Variants in MAPKAPK2 observed in about 807,000 individuals in gnomAD.
MAPKAPK2 encodes the protein MAPK activated protein kinase 2.
In MAPKAPK2, 9 loss-of-function variants were observed where a neutral mutation model predicts 48.8. The ratio of observed to expected loss-of-function variants is 0.18; its 90% CI spans 0.11 to 0.32. The LOEUF (loss-of-function observed/expected upper bound fraction) is 0.32. MAPKAPK2 is among the 10% of genes least tolerant of loss of function. The pLI, the probability that MAPKAPK2 is intolerant of heterozygous loss-of-function variation, is 1.00. For synonymous variants in MAPKAPK2, 202 were observed against 190.6 expected, an observed-to-expected ratio of 1.06 and a Z score of -0.49; for missense variants, 331 against 498.3, an observed-to-expected ratio of 0.66 and a Z score of 3.20.
intron 1 of MAPKAPK2, among the ~76,000 whole-genome samples, chr1:206,699,001 C>G (rs868951719): frequency 1.3e-5 from 2 of 152,148 alleles, no homozygotes; most frequent in South Asian, 4.1e-4. Context: ...GATGACCTAG[C>G]AATTTTAAGT....
intron 1 of MAPKAPK2, chr1:206,696,324 T>C: frequency 1.2e-6 from 1 of 803,580 alleles, no homozygotes; most frequent in South Asian, 1.4e-5. Context: ...TCTTTAGATA[T>C]CGGATTGGAC....
Position 206,731,531 on chromosome 1 carries a change from C to T in MAPKAPK2, c.893-109C>T, listed in dbSNP as rs1347835741. 8.9e-7 allele frequency: 1 copy of T among 1,128,504 alleles called. No homozygotes were observed. The highest frequency in any genetic ancestry group is 1.5e-5 in the African/African-American group (1 of 65,424). 69.9% of individuals were successfully genotyped at this position (1,128,504 alleles called of 1,614,324 possible). ...TGGGGCCAGTTGCTCCGGCAGCCTG[C>T]CTCCATGCACCCCCTCTTTGAACCT... On this transcript the variant is annotated intron_variant, in intron 7 of 9. Coordinates refer to ENST00000367103, the MANE Select transcript of MAPKAPK2 (RefSeq NM_032960.4). The surrounding 1 kb of genome is among the most constrained non-coding windows in gnomAD (Gnocchi z 5.9).
rs782498421 is a variant in MAPKAPK2, at chr1:206,732,526, C to G, written c.1060-49C>G. On this transcript the variant is annotated intron_variant, in intron 9 of 9. Transcript: ENST00000367103. This position sits in a 1 kb window ranked among gnomAD's most constrained non-coding sequence, Gnocchi z 4.4. Reference sequence around the variant, plus strand: ...GTCTCTCTTCTGCTGTCTCTCCTACCTGTCTTCTGGCTCTCTCTGTACCCT... The same window carrying G: ...GTCTCTCTTCTGCTGTCTCTCCTACGTGTCTTCTGGCTCTCTCTGTACCCT... 10 of 1,603,772 alleles carry G rather than the reference C, an allele frequency of 6.2e-6. No homozygotes were observed. In the Admixed American group the frequency reaches 1.7e-4, roughly 27 times the overall value.
chr1:206,708,788 C>T (rs1050687316), intron 1 of MAPKAPK2, among the ~76,000 whole-genome samples: 24 of 152,166 alleles, frequency 1.6e-4, no homozygotes, highest in Admixed American at 1.6e-3. Flanking sequence ...AACACATACC[C>T]CCTCGCAAGT....
intron 1 of MAPKAPK2, among the ~76,000 whole-genome samples, chr1:206,709,209 T>A (rs1383112538): frequency 1.3e-5 from 2 of 152,228 alleles, no homozygotes; most frequent in African/African-American, 4.8e-5. Flanking sequence ...ATTTTAGGAC[T>A]GTTATCACAT....
At chr1:206,723,063 G>A (rs1248789825) in intron 1 of MAPKAPK2, among the ~76,000 whole-genome samples, 2 of 152,196 alleles carry the variant, frequency 1.3e-5, no homozygotes, top group South Asian at 2.1e-4. Flanking sequence ...CTTTTGCATC[G>A]CTCTTGGCGC....
At position 206,731,740 on chromosome 1, in the gene MAPKAPK2, C is replaced by A; in HGVS notation, c.978+15C>A. The A allele has an allele frequency of 6.2e-7, 1 of 1,613,564 alleles. No individual in the cohort carries two copies. The highest frequency in any genetic ancestry group is 8.5e-7 in the Non-Finnish European group (1 of 1,179,518). ...CTTGGATCATGGTAAGCTCGGCAGG[C>A]TGGGGAGCCTTGGGTCTCACGGGAC... On this transcript the variant is annotated intron_variant, in intron 8 of 9. Coordinates refer to ENST00000367103, the MANE Select transcript of MAPKAPK2 (RefSeq NM_032960.4). This position sits in a 1 kb window ranked among gnomAD's most constrained non-coding sequence, Gnocchi z 5.9.
intron 1 of MAPKAPK2, among the ~76,000 whole-genome samples, chr1:206,697,320 G>A (rs965649826): frequency 6.6e-6 from 1 of 152,210 alleles, no homozygotes; most frequent in Non-Finnish European, 1.5e-5. Context: ...AGGGACGAGT[G>A]TTAAACACTG....
chr1:206,710,266 C>G (rs745311637), intron 1 of MAPKAPK2, among the ~76,000 whole-genome samples: 5 of 152,350 alleles, frequency 3.3e-5, no homozygotes, highest in South Asian at 4.1e-4. Context: ...ATGTACATAA[C>G]AGATGCTCTT....
intron 1 of MAPKAPK2, among the ~76,000 whole-genome samples, chr1:206,691,688 G>T (rs1301025911): frequency 6.6e-5 from 10 of 151,940 alleles, no homozygotes; most frequent in Non-Finnish European, 1.3e-4. Flanking sequence ...CAGAGGGTCG[G>T]CTCGAGCAGC....
chr1:206,732,013 C>T lies in MAPKAPK2; in HGVS notation c.1059+94C>T. ...GAGGCGTGGTGCTGGTAGGGGAGAG[C>T]TTGATTCTGCCTCTCTCATCCCAGG... On this transcript the variant is annotated intron_variant, in intron 9 of 9. Coordinates refer to ENST00000367103, the MANE Select transcript of MAPKAPK2 (RefSeq NM_032960.4). The surrounding 1 kb of genome is among the most constrained non-coding windows in gnomAD (Gnocchi z 4.4). 3.1e-6 allele frequency: 5 copies of T among 1,614,066 alleles called. No individual in the cohort carries two copies. The highest frequency in any genetic ancestry group is 3.4e-6 in the Non-Finnish European group (4 of 1,179,996).
intron 5 of MAPKAPK2, 53 bp downstream of exon 5, chr1:206,730,151 C>A: frequency 6.2e-7 from 1 of 1,608,962 alleles, no homozygotes; most frequent in Non-Finnish European, 8.5e-7. Flanking sequence ...CTTTTCTCAG[C>A]CCCTCCTCTT....
intron 1 of MAPKAPK2, among the ~76,000 whole-genome samples, chr1:206,712,751 A>C (rs1409516031): frequency 3.3e-5 from 5 of 152,014 alleles, no homozygotes; most frequent in Non-Finnish European, 7.4e-5. Context: ...GAATGACTTG[A>C]GGTCAGGAGT....
At chr1:206,691,389 C>T (rs570464363) in intron 1 of MAPKAPK2, among the ~76,000 whole-genome samples, 13 of 150,814 alleles carry the variant, frequency 8.6e-5, no homozygotes, top group African/African-American at 3.2e-4. Context: ...TGTCACTGGA[C>T]AGTGTAATAA....
intron 1 of MAPKAPK2, among the ~76,000 whole-genome samples, chr1:206,688,424 T>G (rs1553425853): frequency 1.3e-5 from 2 of 152,224 alleles, no homozygotes; most frequent in Non-Finnish European, 1.5e-5. Context: ...TGAGGAGCTG[T>G]TCTGTCACCT....
In MAPKAPK2 at chr1:206,712,962, TCACACA is replaced by T. The variant is rs58379967; in HGVS notation, c.280-15710_280-15705del. ...GCCTGGGCGACAGAATGAGACTCCA[TCACACA>T]CACACACACACACACACACACACAC... On this transcript the variant is annotated intron_variant, in intron 1 of 9. Transcript: ENST00000367103. 2.1e-3 allele frequency among the ~76,000 whole-genome samples: 234 copies of T among 112,298 alleles called. 1 individual carries two copies. The highest frequency in any genetic ancestry group is 4.2e-3 in the African/African-American group (118 of 28,008). 73.7% of individuals were successfully genotyped at this position (112,298 alleles called of 152,430 possible). A position where few individuals can be genotyped will look rare whatever the true frequency, so the allele number is the denominator to read the frequency against.
intron 1 of MAPKAPK2, among the ~76,000 whole-genome samples, chr1:206,719,267 C>CT (rs2102405189): frequency 6.6e-6 from 1 of 152,318 alleles, no homozygotes; most frequent in Non-Finnish European, 1.5e-5. Context: ...GCTTTTGTGA[C>CT]TGCCTGTGAC....
intron 1 of MAPKAPK2, among the ~76,000 whole-genome samples, chr1:206,727,824 C>T (rs928212679): frequency 1.3e-5 from 2 of 152,088 alleles, no homozygotes; most frequent in Non-Finnish European, 2.9e-5. Flanking sequence ...GGGGTTTCAC[C>T]GTGTTAGCCA....
chr1:206,685,500 G>A lies in MAPKAPK2; in HGVS notation c.271G>A (p.Ala91Thr), dbSNP rs781807175. 1 of 1,528,624 alleles carries A rather than the reference G, an allele frequency of 6.5e-7. No individual in the cohort carries two copies. The highest frequency in any genetic ancestry group is 8.8e-7 in the Non-Finnish European group (1 of 1,133,320). 94.7% of individuals were successfully genotyped at this position (1,528,624 alleles called of 1,614,324 possible). A position where few individuals can be genotyped will look rare whatever the true frequency, so the allele number is the denominator to read the frequency against. ...IFNKRTQEKF[A>T]LKMLQDCPKA... is the part of the protein sequence containing the mutation. ...CAACAAGAGGACCCAGGAGAAATTC[G>A]CCCTCAAAGTAGGTCTGGGGCCCGG... Residue 91 changes from alanine (A) to threonine (T), a missense_variant, in exon 1 of 10, where the codon GCC becomes ACC. By Grantham distance (58) the Ala-to-Thr change is moderately conservative. Coordinates refer to ENST00000367103, the MANE Select transcript of MAPKAPK2 (RefSeq NM_032960.4).
Sources: allele counts gnomAD v4.1 joint callset (sites outside exome capture counted in the v4.1 genomes callset), GRCh38; gene constraint gnomAD v4.1.1; non-coding constraint Gnocchi (gnomAD v3.1); transcripts MANE v1.5; gene names NCBI Gene and HGNC (gene_info 2026-07-23, HGNC 2026-07-21).